Variants in PI4KB observed in about 807,000 individuals in gnomAD.
PI4KB encodes the protein phosphatidylinositol 4-kinase beta.
PI4KB carries 23 observed loss-of-function variants against 81.4 expected under a neutral mutation model. That is an observed-to-expected ratio of 0.28 (90% CI 0.20 to 0.40). The LOEUF (loss-of-function observed/expected upper bound fraction) is 0.40, where lower values mean the gene tolerates loss of function less well. Among genes scored for constraint, PI4KB ranks in the 10% least tolerant of loss-of-function variants. The pLI, the probability that PI4KB is intolerant of heterozygous loss-of-function variation, is 1.00. For synonymous variants in PI4KB, 381 were observed against 406.8 expected (o/e 0.94, Z 0.76); for missense variants, 651 against 1,036.6 (o/e 0.63, Z 5.11).
intron 11 of PI4KB, chr1:151,293,490 G>A (rs1204735552): frequency 8.9e-7 from 1 of 1,120,806 alleles, no homozygotes; most frequent in South Asian, 1.6e-5. Flanking sequence ...GAATGGGGAG[G>A]AGGGGGAGAC....
intron 11 of PI4KB, 85 bp from the exon 12 acceptor site, chr1:151,293,118 C>G (rs1036710467): frequency 7.7e-6 from 12 of 1,548,472 alleles, no homozygotes; most frequent in Middle Eastern, 3.6e-4. Context: ...GCTGGGGCAT[C>G]TGAAGTGCCC....
intron 2 of PI4KB, among the ~76,000 whole-genome samples, chr1:151,315,024 G>A (rs1338131436): frequency 6.6e-6 from 1 of 152,152 alleles, no homozygotes; most frequent in Non-Finnish European, 1.5e-5. Flanking sequence ...TGTCGCCCAA[G>A]CTGGAGTGCA....
At chr1:151,325,652 C>T (rs751911373) in intron 1 of PI4KB, among the ~76,000 whole-genome samples, 5 of 152,156 alleles carry the variant, frequency 3.3e-5, no homozygotes, top group African/African-American at 4.8e-5. Context: ...AGGAAGCAGG[C>T]CTGGAGCTTG....
rs587611893 is a variant in PI4KB at position 151,315,256 on chromosome 1, C to T, written c.909+317G>A. Among the ~76,000 whole-genome samples, 12 of 152,284 alleles carry T rather than the reference C, an allele frequency of 7.9e-5. No homozygotes were observed. In the South Asian group the frequency reaches 1.0e-3, roughly 13 times the overall value. On this transcript the variant is annotated intron_variant, in intron 2 of 11. Transcript: ENST00000368873. ...CCTCCCAAAGTGCTGGGATTACAAG[C>T]GTGAGCCACCGCGCCTGGCCAGTGC...
At chr1:151,302,088 C>T in intron 7 of PI4KB, 106 bp downstream of exon 7, 2 of 1,572,738 alleles carry the variant, frequency 1.3e-6, no homozygotes, top group Non-Finnish European at 1.7e-6. Flanking sequence ...AGCCTGGAAG[C>T]CTGACAGATT....
chr1:151,322,239 T>C (rs1571225923), intron 1 of PI4KB, among the ~76,000 whole-genome samples: 1 of 152,190 alleles, frequency 6.6e-6, no homozygotes, highest in East Asian at 1.9e-4. Context: ...AAGTAGGGAA[T>C]TCTGGTCTGA....
At position 151,292,759 on chromosome 1, in the gene PI4KB, G is replaced by A; in HGVS notation, c.*93C>T. On this transcript the variant is annotated 3_prime_UTR_variant, in exon 12 of 12. Coordinates refer to ENST00000368873, the MANE Select transcript of PI4KB (RefSeq NM_001369623.2). ...CCATTTCCCTTGGGTGGATGGTTGG[G>A]TAGGTGGGGTTTCCTGGTTTGGGGT... 9.0e-7 allele frequency: 1 copy of A among 1,110,962 alleles called. No homozygotes were observed. 68.8% of individuals were successfully genotyped at this position (1,110,962 alleles called of 1,614,324 possible).
rs2102039764 is a variant in PI4KB at position 151,327,267 on chromosome 1, T to C, written c.-29+4A>G. On this transcript the variant is annotated splice_donor_region_variant and intron_variant, in intron 1 of 11. Coordinates refer to ENST00000368873, the MANE Select transcript of PI4KB (RefSeq NM_001369623.2). ...AGGTGACTCATGAAGGAGGAGTAGCTTACCTCTGGGGGACCCCCGCGGAGG... is the reference window on the plus strand; with the variant it reads ...AGGTGACTCATGAAGGAGGAGTAGCCTACCTCTGGGGGACCCCCGCGGAGG... 1 of 122,900 alleles carries C rather than the reference T, an allele frequency of 8.1e-6. No homozygotes were observed. The highest frequency in any genetic ancestry group is 3.2e-5 in the African/African-American group (1 of 31,288). 7.6% of individuals were successfully genotyped at this position (122,900 alleles called of 1,614,324 possible).
chr1:151,315,482 G>A (rs1438321916), intron 2 of PI4KB, 91 bp downstream of exon 2: 5 of 841,578 alleles, frequency 5.9e-6, no homozygotes, highest in Non-Finnish European at 1.0e-5. Context: ...AGGACAGAAA[G>A]AACAGCGTAA....
At chr1:151,302,091 G>A (rs982355350) in intron 7 of PI4KB, 103 bp downstream of exon 7, 52 of 1,571,512 alleles carry the variant, frequency 3.3e-5, no homozygotes, top group Non-Finnish European at 4.4e-5. Context: ...CTGGAAGCCT[G>A]ACAGATTTTT....
Position 151,293,591 on chromosome 1 carries a change from CTG to C in PI4KB, c.2269+425_2269+426del, listed in dbSNP as rs1405359787. ...GGGCAAAAGACTGTAGATGGCAAGA[CTG>C]TAGTGGAAGGAGATAATGATGAGAG... On this transcript the variant is annotated intron_variant, in intron 11 of 11. Coordinates refer to ENST00000368873, the MANE Select transcript of PI4KB (RefSeq NM_001369623.2). The C allele has an allele frequency of 3.9e-5, 13 of 330,614 alleles. No individual in the cohort carries two copies. In the Admixed American group the frequency reaches 6.4e-4, roughly 16 times the overall value. 20.5% of individuals were successfully genotyped at this position (330,614 alleles called of 1,614,324 possible).
At chr1:151,324,793 C>T in intron 1 of PI4KB, 1 of 985,368 alleles carries the variant, frequency 1.0e-6, no homozygotes, top group Non-Finnish European at 1.2e-6. Flanking sequence ...TACACTTGGA[C>T]TGGGTCCCCT....
chr1:151,308,425 T>C (rs1695963266), intron 3 of PI4KB, among the ~76,000 whole-genome samples: 2 of 152,318 alleles, frequency 1.3e-5, no homozygotes, highest in African/African-American at 4.8e-5. Context: ...GATGAGCCGA[T>C]GAGCAGACTT....
chr1:151,304,606 A>G, intron 5 of PI4KB, among the ~76,000 whole-genome samples: 1 of 151,522 alleles, frequency 6.6e-6, no homozygotes, highest in Non-Finnish European at 1.5e-5. Context: ...CAGCCTCCCG[A>G]AGTGCTGGGA....
intron 2 of PI4KB, among the ~76,000 whole-genome samples, chr1:151,310,680 C>A (rs1696148399): frequency 6.6e-6 from 1 of 152,148 alleles, no homozygotes. Flanking sequence ...CAGGACTGAA[C>A]TTAATAAGCT....
At chr1:151,310,895 T>G (rs1163614139) in intron 2 of PI4KB, among the ~76,000 whole-genome samples, 1 of 152,182 alleles carries the variant, frequency 6.6e-6, no homozygotes, top group Non-Finnish European at 1.5e-5. Flanking sequence ...TGGATGCTGA[T>G]GGGAGTGAAG....
At chr1:151,305,066 G>A (rs1220614137) in intron 5 of PI4KB, among the ~76,000 whole-genome samples, 1 of 152,044 alleles carries the variant, frequency 6.6e-6, no homozygotes, top group African/African-American at 2.4e-5. Context: ...CTGACCTCAG[G>A]TGATCTGCTC....
chr1:151,293,604 A>G, intron 11 of PI4KB: 3 of 322,642 alleles, frequency 9.3e-6, no homozygotes, highest in South Asian at 7.8e-5. Flanking sequence ...TAGTGGAAGG[A>G]GATAATGATG....
chr1:151,292,763 G>C lies in PI4KB; in HGVS notation c.*89C>G, dbSNP rs1422613154. On this transcript the variant is annotated 3_prime_UTR_variant, in exon 12 of 12. Coordinates refer to ENST00000368873, the MANE Select transcript of PI4KB (RefSeq NM_001369623.2). Reference sequence around the variant, plus strand: ...TTCCCTTGGGTGGATGGTTGGGTAGGTGGGGTTTCCTGGTTTGGGGTTTCT... The same window carrying C: ...TTCCCTTGGGTGGATGGTTGGGTAGCTGGGGTTTCCTGGTTTGGGGTTTCT... 8.5e-7 allele frequency: 1 copy of C among 1,175,098 alleles called. No individual in the cohort carries two copies. The highest frequency in any genetic ancestry group is 1.2e-6 in the Non-Finnish European group (1 of 829,076). The allele number at this position is 1,175,098 out of a possible 1,614,324, so 72.8% of individuals were successfully genotyped here.
Sources: allele counts gnomAD v4.1 joint callset (sites outside exome capture counted in the v4.1 genomes callset), GRCh38; gene constraint gnomAD v4.1.1; transcripts MANE v1.5; gene names NCBI Gene and HGNC (gene_info 2026-07-23, HGNC 2026-07-21).